ZNF131: variants seen among roughly 807,000 people sequenced by gnomAD.
The protein encoded by ZNF131 is zinc finger and BTB domain containing 35.
A neutral mutation model predicts 60.0 loss-of-function variants in ZNF131; 7 were observed. The observed-to-expected ratio is 0.12, with a 90% CI of 0.07 to 0.22. The LOEUF (loss-of-function observed/expected upper bound fraction) is 0.22. Ranked by LOEUF, ZNF131 falls within the 10% of genes least tolerant of loss-of-function variation. ZNF131 has a pLI of 1.00. For synonymous variants in ZNF131, 257 were observed against 253.2 expected (o/e 1.01, Z -0.14); for missense variants, 493 against 740.9 (o/e 0.67, Z 3.88).
At chr5:43,143,479 A>T in intron 4 of ZNF131, 1 of 1,251,724 alleles carries the variant, frequency 8.0e-7, no homozygotes, top group Non-Finnish European at 1.1e-6. Context: ...GAAGTTTCTT[A>T]ATTTCCTATC....
intron 5 of ZNF131, among the ~76,000 whole-genome samples, chr5:43,162,826 A>T (rs111451673): frequency 0.18 from 24,700 of 137,934 alleles, 2,592 homozygotes; most frequent in Middle Eastern, 0.33. Context: ...AATTGCTTGA[A>T]CCCGGGAGGC....
rs1267635253 is a variant in ZNF131 at position 43,155,965 on chromosome 5, A to G, written c.372-5284A>G. On this transcript the variant is annotated intron_variant, in intron 4 of 6. Coordinates refer to ENST00000682664, the MANE Select transcript of ZNF131 (RefSeq NM_001330707.2). ...CAATATATAACATAAACTAGACATC[A>G]GAAGATAGAGACACTGCACTAAATC... 2.6e-5 allele frequency among the ~76,000 whole-genome samples: 4 copies of G among 152,342 alleles called. No homozygotes were observed. The East Asian group carries it at 7.7e-4, about 29-fold the overall frequency.
chr5:43,147,057 T>C lies in ZNF131; in HGVS notation c.371+7748T>C, dbSNP rs116228850. Among the ~76,000 whole-genome samples the C allele has an allele frequency of 2.9e-3, 446 of 152,318 alleles. 1 individual carries two copies. The highest frequency in any genetic ancestry group is 0.01 in the African/African-American group (436 of 41,574). On this transcript the variant is annotated intron_variant, in intron 4 of 6. Coordinates refer to ENST00000682664, the MANE Select transcript of ZNF131 (RefSeq NM_001330707.2). ...CAATCATTGATCTGATTTTTATCAC[T>C]AGTTTTTCTATAGTGTACCGTACAA...
Position 43,122,072 on chromosome 5 carries a change from A to G in ZNF131, c.19A>G (p.Met7Val). Residue 7 changes from methionine (M) to valine (V), a missense_variant, in exon 2 of 7, where the codon ATG becomes GTG. This residue lies in a region of ZNF131 where 66 missense variants were observed against 148.0 expected (regional missense o/e 0.45). Transcript: ENST00000682664. MEAEETMECLQEFPEHH... is the reference protein window; with the variant it reads MEAEETVECLQEFPEHH... Reference sequence around the variant, plus strand: ...GACGGCCATGGAGGCTGAAGAGACGATGGAATGCCTTCAGGAGTTCCCTGA... The same window carrying G: ...GACGGCCATGGAGGCTGAAGAGACGGTGGAATGCCTTCAGGAGTTCCCTGA... The G allele has an allele frequency of 6.2e-7, 1 of 1,614,012 alleles. No individual in the cohort carries two copies. The highest frequency in any genetic ancestry group is 8.5e-7 in the Non-Finnish European group (1 of 1,180,000).
rs1224680418 is a variant in ZNF131 at position 43,157,955 on chromosome 5, G to A, written c.372-3294G>A. Among the ~76,000 whole-genome samples the A allele has an allele frequency of 3.3e-5, 5 of 152,274 alleles. No homozygotes were observed. In the East Asian group the frequency reaches 9.6e-4, roughly 29 times the overall value. On this transcript the variant is annotated intron_variant, in intron 4 of 6. Transcript: ENST00000682664. ...ACACTAATTGTATTGAATTATTCAAGGCTTGTCTTAATAACCTCATTATTT... is the reference window on the plus strand; with the variant it reads ...ACACTAATTGTATTGAATTATTCAAAGCTTGTCTTAATAACCTCATTATTT...
chr5:43,169,579 A>G (rs1750735879), intron 5 of ZNF131, among the ~76,000 whole-genome samples: 1 of 152,194 alleles, frequency 6.6e-6, no homozygotes, highest in Non-Finnish European at 1.5e-5. Context: ...TATATGGAAC[A>G]TTTATGAGTA....
chr5:43,173,567 T>C, intron 6 of ZNF131, 119 bp downstream of exon 6: 1 of 1,280,930 alleles, frequency 7.8e-7, no homozygotes, highest in African/African-American at 1.5e-5. Context: ...TGGAAAGAAA[T>C]GAGAATAAAG....
intron 3 of ZNF131, among the ~76,000 whole-genome samples, chr5:43,127,206 A>G (rs982774973): frequency 2.0e-5 from 3 of 152,212 alleles, no homozygotes; most frequent in African/African-American, 7.2e-5. Flanking sequence ...CGTAAAATAT[A>G]AATAATGACT....
At chr5:43,134,986 C>T (rs1161454518) in intron 3 of ZNF131, among the ~76,000 whole-genome samples, 17 of 149,118 alleles carry the variant, frequency 1.1e-4, no homozygotes, top group Non-Finnish European at 2.2e-4. Context: ...CATGAGCCAC[C>T]GCGCCCGGCC....
chr5:43,144,802 C>T (rs996886257), intron 4 of ZNF131, among the ~76,000 whole-genome samples: 1 of 151,870 alleles, frequency 6.6e-6, no homozygotes, highest in Non-Finnish European at 1.5e-5. Flanking sequence ...ACAATATCTG[C>T]CACATAATAA....
At chr5:43,144,866 T>C (rs912914184) in intron 4 of ZNF131, among the ~76,000 whole-genome samples, 2 of 151,784 alleles carry the variant, frequency 1.3e-5, no homozygotes, top group African/African-American at 4.8e-5. Context: ...GTCTGCTTGT[T>C]CATGGCAAAA....
intron 3 of ZNF131, among the ~76,000 whole-genome samples, chr5:43,136,498 T>C (rs1746112393): frequency 1.7e-5 from 2 of 120,564 alleles, no homozygotes; most frequent in African/African-American, 3.1e-5. Context: ...TTTTTTTTTT[T>C]TTTTTTTTGA....
At chr5:43,172,476 G>A (rs1296347707) in intron 5 of ZNF131, among the ~76,000 whole-genome samples, 1 of 152,136 alleles carries the variant, frequency 6.6e-6, no homozygotes, top group Non-Finnish European at 1.5e-5. Flanking sequence ...CAAAAAAATA[G>A]CCGGGCGTGC....
chr5:43,144,233 CTTTCTTTTTTTTTTTTTTTT>C (rs1295815542), intron 4 of ZNF131, among the ~76,000 whole-genome samples: 4 of 82,430 alleles, frequency 4.9e-5, no homozygotes, highest in African/African-American at 1.8e-4. Flanking sequence ...TTTTTTCTTT[CTTTCTTTTTTTTTTTTTTTT>C]TTTTTTTTTT....
At chr5:43,129,599 GC>G (rs1745038143) in intron 3 of ZNF131, among the ~76,000 whole-genome samples, 1 of 152,176 alleles carries the variant, frequency 6.6e-6, no homozygotes, top group Admixed American at 6.5e-5. Flanking sequence ...AGATGACATA[GC>G]CCCATGTTAG....
At chr5:43,149,780 G>A (rs999436173) in intron 4 of ZNF131, among the ~76,000 whole-genome samples, 15 of 150,642 alleles carry the variant, frequency 1.0e-4, no homozygotes, top group Admixed American at 2.7e-4. Flanking sequence ...AATGACTAAT[G>A]GTGTTGGATA....
chr5:43,170,929 C>G (rs1039509567), intron 5 of ZNF131, among the ~76,000 whole-genome samples: 2 of 150,622 alleles, frequency 1.3e-5, no homozygotes, highest in Admixed American at 1.3e-4. Context: ...TGACTGCACC[C>G]GGCGATTTTT....
rs1384555987 is a variant in ZNF131 at position 43,122,269 on chromosome 5, T to TA, written c.124+94dup. On this transcript the variant is annotated intron_variant, in intron 2 of 6. Coordinates refer to ENST00000682664, the MANE Select transcript of ZNF131 (RefSeq NM_001330707.2). The stretch of plus-strand genomic sequence containing the variant: ...GCCTTTTTTTTTTTTTTTTTTTTTT[T>TA]AACCCATCCTCTATGGTCTCCCTAC... The TA allele has an allele frequency of 6.9e-3, 7,521 of 1,092,182 alleles. 64 individuals are homozygous for TA. The highest frequency in any genetic ancestry group is 0.02 in the African/African-American group (1,189 of 58,566). The allele number at this position is 1,092,182 out of a possible 1,614,324, so 67.7% of individuals were successfully genotyped here.
chr5:43,155,363 G>A (rs10058374), intron 4 of ZNF131, among the ~76,000 whole-genome samples: 5 of 152,006 alleles, frequency 3.3e-5, no homozygotes, highest in Non-Finnish European at 7.4e-5. Context: ...CAACAAGAGC[G>A]CAACAGCAAA....
Sources: gnomAD v4.1 joint callset for allele counts (sites outside exome capture counted in the v4.1 genomes callset) on GRCh38, gnomAD v4.1.1 for gene constraint, gnomAD v4.1.1 regional missense constraint, MANE v1.5 for transcripts, NCBI Gene and HGNC (gene_info 2026-07-23, HGNC 2026-07-21) for gene names.